Variants in SEMA3C observed in about 807,000 individuals in gnomAD.
The protein encoded by SEMA3C is semaphorin-3C.
A neutral mutation model predicts 89.4 loss-of-function variants in SEMA3C; 47 were observed. The ratio of observed to expected loss-of-function variants is 0.53; its 90% CI spans 0.42 to 0.67. The LOEUF (loss-of-function observed/expected upper bound fraction) is 0.67, where lower values mean the gene tolerates loss of function less well. Ranked by LOEUF, SEMA3C falls within the 30% of genes least tolerant of loss-of-function variation. The probability of loss-of-function intolerance (pLI) is 0.00; values close to 1 mark genes in which losing one functional copy is unlikely to be tolerated. For missense variants in SEMA3C, 839 were observed against 929.1 expected, an observed-to-expected ratio of 0.90 and a Z score of 1.26; for synonymous variants, 310 against 320.2, an observed-to-expected ratio of 0.97 and a Z score of 0.34.
intron 11 of SEMA3C, among the ~76,000 whole-genome samples, chr7:80,793,731 C>T (rs1410805319): frequency 4.0e-5 from 6 of 151,554 alleles, no homozygotes; most frequent in Non-Finnish European, 5.9e-5. Context: ...AACTGTAATT[C>T]GTAGGGCATG....
In SEMA3C at chr7:80,782,287, G is replaced by A. The variant is rs527314895; in HGVS notation, c.1354+7019C>T. On this transcript the variant is annotated intron_variant, in intron 12 of 17. Coordinates refer to ENST00000265361, the MANE Select transcript of SEMA3C (RefSeq NM_006379.5). ...TTCAGTCGGTTCCAAGGTGCAGTTC[G>A]TCCAAGTCTTCTCTGTCACCTTGTT... Among the ~76,000 whole-genome samples, 24 of 152,234 alleles carry A rather than the reference G, an allele frequency of 1.6e-4. 1 individual carries two copies. In the South Asian group the frequency reaches 2.7e-3, roughly 17 times the overall value.
intron 2 of SEMA3C, among the ~76,000 whole-genome samples, chr7:80,880,141 T>C (rs1238437153): frequency 1.3e-5 from 2 of 152,128 alleles, no homozygotes; most frequent in Non-Finnish European, 2.9e-5. Flanking sequence ...AAGTCCCTTA[T>C]TCCATTCAAA....
chr7:80,869,223 T>C (rs1351571796), intron 2 of SEMA3C, among the ~76,000 whole-genome samples: 1 of 152,186 alleles, frequency 6.6e-6, no homozygotes, highest in Non-Finnish European at 1.5e-5. Flanking sequence ...TTGTAAGTGA[T>C]CACTTATGAA....
chr7:80,908,265 TG>T (rs1792060033), intron 2 of SEMA3C, among the ~76,000 whole-genome samples: 1 of 152,196 alleles, frequency 6.6e-6, no homozygotes, highest in African/African-American at 2.4e-5. Flanking sequence ...ATTTTGTTAC[TG>T]CTGTCTTAAA....
At chr7:80,798,844 T>C (rs1224113653) in intron 10 of SEMA3C, among the ~76,000 whole-genome samples, 1 of 152,210 alleles carries the variant, frequency 6.6e-6, no homozygotes, top group East Asian at 1.9e-4. Context: ...GAATCTTTAG[T>C]AAGAAATATT....
intron 2 of SEMA3C, among the ~76,000 whole-genome samples, chr7:80,837,842 C>T (rs1412531066): frequency 6.6e-6 from 1 of 152,000 alleles, no homozygotes; most frequent in African/African-American, 2.4e-5. Flanking sequence ...TGAAGGCTGC[C>T]TGGAAGGTCA....
At chr7:80,857,922 G>A (rs1392839075) in intron 2 of SEMA3C, among the ~76,000 whole-genome samples, 1 of 151,940 alleles carries the variant, frequency 6.6e-6, no homozygotes, top group African/African-American at 2.4e-5. Context: ...TCTAAATATA[G>A]GCAAATATAT....
Position 80,758,376 on chromosome 7 carries a change from G to A in SEMA3C, c.1598C>T (p.Ala533Val). The A allele has an allele frequency of 6.2e-7, 1 of 1,614,048 alleles. No homozygotes were observed. Among genetic ancestry groups the A allele is most frequent in the Non-Finnish European group, 8.5e-7 (1 of 1,180,002 alleles). ...DCCLARDPYC[A>V]WDGHSCSRFY... ...TCTGGAACAGGAATGGCCATCCCAG[G>A]CGCAATAAGGGTCCCGCGCCAGGCA... Residue 533 changes from alanine (A) to valine (V), a missense_variant, in exon 15 of 18, where the codon GCC becomes GTC. Transcript: ENST00000265361.
chr7:80,861,276 C>T (rs905335311), intron 2 of SEMA3C, among the ~76,000 whole-genome samples: 6 of 152,088 alleles, frequency 3.9e-5, no homozygotes, highest in African/African-American at 1.2e-4. Flanking sequence ...AGGGCAACAG[C>T]TTCTAGATCA....
chr7:80,838,754 G>C (rs1279343754), intron 2 of SEMA3C, among the ~76,000 whole-genome samples: 2 of 152,056 alleles, frequency 1.3e-5, no homozygotes, highest in Non-Finnish European at 2.9e-5. Context: ...AAGAGAAAGA[G>C]CAAGAAAGTG....
chr7:80,797,592 T>C (rs1451173445), intron 11 of SEMA3C, among the ~76,000 whole-genome samples: 1 of 152,242 alleles, frequency 6.6e-6, no homozygotes, highest in East Asian at 1.9e-4. Flanking sequence ...ACATACATTT[T>C]CTTCCTATGA....
chr7:80,762,789 G>T (rs935870252), intron 13 of SEMA3C, among the ~76,000 whole-genome samples: 1 of 152,016 alleles, frequency 6.6e-6, no homozygotes, highest in East Asian at 1.9e-4. Flanking sequence ...CTCCAGCCTG[G>T]GTAACAAGAG....
At chr7:80,875,387 C>G (rs1039636456) in intron 2 of SEMA3C, among the ~76,000 whole-genome samples, 1 of 152,124 alleles carries the variant, frequency 6.6e-6, no homozygotes, top group African/African-American at 2.4e-5. Context: ...AAACTAGTTT[C>G]AGTGCACTCA....
intron 13 of SEMA3C, among the ~76,000 whole-genome samples, chr7:80,762,842 G>A (rs1010011730): frequency 4.6e-5 from 7 of 152,128 alleles, no homozygotes; most frequent in Non-Finnish European, 8.8e-5. Context: ...TAGACTTCTG[G>A]TAAAGTGATT....
At chr7:80,817,918 A>G (rs1332791629) in intron 5 of SEMA3C, among the ~76,000 whole-genome samples, 1 of 152,070 alleles carries the variant, frequency 6.6e-6, no homozygotes, top group Admixed American at 6.5e-5. Flanking sequence ...TGGAGCAAAT[A>G]TTATTACTGT....
At chr7:80,781,944 C>T (rs1788700462) in intron 12 of SEMA3C, among the ~76,000 whole-genome samples, 1 of 151,932 alleles carries the variant, frequency 6.6e-6, no homozygotes, top group South Asian at 2.1e-4. Flanking sequence ...TAGGTCCTTG[C>T]ATGATATTCC....
intron 13 of SEMA3C, among the ~76,000 whole-genome samples, chr7:80,762,871 T>C (rs1489222635): frequency 6.6e-6 from 1 of 152,208 alleles, no homozygotes. Flanking sequence ...TGAGCTTTAT[T>C]TGAATAACTC....
chr7:80,887,769 A>G (rs1423480587), intron 2 of SEMA3C, among the ~76,000 whole-genome samples: 2 of 152,176 alleles, frequency 1.3e-5, no homozygotes, highest in Non-Finnish European at 2.9e-5. Flanking sequence ...CATGGGAAAA[A>G]ATCTTAAAAG....
chr7:80,751,654 G>A (rs1353281804), intron 15 of SEMA3C, among the ~76,000 whole-genome samples: 1 of 151,970 alleles, frequency 6.6e-6, no homozygotes, highest in African/African-American at 2.4e-5. Flanking sequence ...TAAATTTTTA[G>A]TTTAGAGAAA....
Sources: gnomAD v4.1 joint callset for allele counts (sites outside exome capture counted in the v4.1 genomes callset) on GRCh38, gnomAD v4.1.1 for gene constraint, MANE v1.5 for transcripts, NCBI Gene and HGNC (gene_info 2026-07-23, HGNC 2026-07-21) for gene names.